COTL1: variants seen among roughly 807,000 people sequenced by gnomAD.
COTL1 encodes the protein coactosin-like protein.
Under a neutral mutation model 16.5 loss-of-function variants are expected in COTL1, and 15 were observed. The ratio of observed to expected loss-of-function variants is 0.91; its 90% CI spans 0.61 to 1.40. The LOEUF (loss-of-function observed/expected upper bound fraction) is 1.40. Among genes scored for constraint, COTL1 ranks in the 40% most tolerant of loss-of-function variants. The pLI is 0.00. For synonymous variants in COTL1, 112 were observed against 85.3 expected, an observed-to-expected ratio of 1.31 and a Z score of -1.73; for missense variants, 220 against 201.5, an observed-to-expected ratio of 1.09 and a Z score of -0.56.
chr16:84,607,466 A>G (rs909813980), intron 2 of COTL1, among the ~76,000 whole-genome samples: 1 of 152,192 alleles, frequency 6.6e-6, no homozygotes, highest in East Asian at 1.9e-4. Flanking sequence ...GTTCCTCCTC[A>G]GTGAAGTGGG....
chr16:84,600,911 T>C (rs750355843), intron 2 of COTL1, among the ~76,000 whole-genome samples: 1 of 152,174 alleles, frequency 6.6e-6, no homozygotes. Context: ...GCTAAAGGTT[T>C]TCCCCCTATG....
intron 2 of COTL1, among the ~76,000 whole-genome samples, chr16:84,605,094 G>A (rs539151476): frequency 1.8e-4 from 27 of 152,302 alleles, no homozygotes; most frequent in African/African-American, 5.1e-4. Flanking sequence ...GGCAGAAATG[G>A]CCTCTAAACA....
chr16:84,578,784 C>T (rs1374581164), intron 3 of COTL1, among the ~76,000 whole-genome samples: 1 of 150,762 alleles, frequency 6.6e-6, no homozygotes, highest in Non-Finnish European at 1.5e-5. Flanking sequence ...CAGACATACA[C>T]ACACAGACAC....
intron 3 of COTL1, among the ~76,000 whole-genome samples, chr16:84,589,055 T>G (rs1849569412): frequency 6.6e-6 from 1 of 151,920 alleles, no homozygotes; most frequent in South Asian, 2.1e-4. Flanking sequence ...ACTGCACCCT[T>G]GACCTCCTGG....
chr16:84,613,156 T>C (rs915357083), intron 2 of COTL1, among the ~76,000 whole-genome samples: 1 of 152,040 alleles, frequency 6.6e-6, no homozygotes, highest in Non-Finnish European at 1.5e-5. Context: ...CCGGCCACCA[T>C]GCCTGGCTAA....
intron 3 of COTL1, among the ~76,000 whole-genome samples, chr16:84,585,033 A>C (rs922083219): frequency 6.6e-6 from 1 of 152,232 alleles, no homozygotes. Flanking sequence ...AAATTACTCC[A>C]TTAAAACAAA....
At chr16:84,608,885 A>G (rs929481526) in intron 2 of COTL1, among the ~76,000 whole-genome samples, 5 of 152,194 alleles carry the variant, frequency 3.3e-5, no homozygotes, top group African/African-American at 1.2e-4. Context: ...AGACTGGGTG[A>G]CAGGGCACGA....
intron 2 of COTL1, among the ~76,000 whole-genome samples, chr16:84,613,203 T>A (rs1451580110): frequency 6.6e-6 from 1 of 152,086 alleles, no homozygotes; most frequent in Non-Finnish European, 1.5e-5. Flanking sequence ...TTTCACTGTG[T>A]TGGCCAGGCT....
chr16:84,590,795 T>A lies in COTL1; in HGVS notation c.161-533A>T, dbSNP rs933858622. Among the ~76,000 whole-genome samples the A allele has an allele frequency of 1.3e-5, 2 of 152,050 alleles. No homozygotes were observed. The highest frequency in any genetic ancestry group is 4.8e-5 in the African/African-American group (2 of 41,388). On this transcript the variant is annotated intron_variant, in intron 2 of 3. Coordinates refer to ENST00000262428, the MANE Select transcript of COTL1 (RefSeq NM_021149.5). The surrounding 1 kb of genome is among the most constrained non-coding windows in gnomAD (Gnocchi z 5.5). ...AATTCATCAACTCTTTTTGCCTCAATCTTTGCAGTTTGGAATGAGACTCTA... is the reference window on the plus strand; with the variant it reads ...AATTCATCAACTCTTTTTGCCTCAAACTTTGCAGTTTGGAATGAGACTCTA...
intron 2 of COTL1, among the ~76,000 whole-genome samples, chr16:84,592,648 G>A (rs8046153): frequency 0.2 from 30,801 of 150,860 alleles, 3,488 homozygotes; most frequent in African/African-American, 0.31. Flanking sequence ...ATCTAAGTAC[G>A]TCCCTGCAGA....
At chr16:84,578,987 G>A (rs6564062) in intron 3 of COTL1, among the ~76,000 whole-genome samples, 4 of 150,950 alleles carry the variant, frequency 2.6e-5, no homozygotes, top group South Asian at 2.1e-4. Flanking sequence ...CCAAGCATGC[G>A]TACACACATA....
At chr16:84,614,262 GGCA>G (rs1215476585) in intron 2 of COTL1, among the ~76,000 whole-genome samples, 1 of 152,260 alleles carries the variant, frequency 6.6e-6, no homozygotes, top group African/African-American at 2.4e-5. Flanking sequence ...CGGAGGGGCA[GGCA>G]GCGAGGAAGG....
intron 2 of COTL1, among the ~76,000 whole-genome samples, chr16:84,603,585 G>A (rs936785311): frequency 3.2e-5 from 4 of 125,022 alleles, no homozygotes; most frequent in African/African-American, 1.3e-4. Flanking sequence ...GTGTTGGGAA[G>A]CGCTAGGTGA....
At chr16:84,591,487 T>TA (rs145318740) in intron 2 of COTL1, among the ~76,000 whole-genome samples, 30,466 of 150,602 alleles carry the variant, frequency 0.2, 3,437 homozygotes, top group African/African-American at 0.31. Flanking sequence ...CCCAGCCTGA[T>TA]TTTTTGAATT....
At chr16:84,568,840 G>A (rs1192304234) in intron 3 of COTL1, 1 of 152,186 alleles carries the variant, frequency 6.6e-6, no homozygotes, top group Non-Finnish European at 1.5e-5. Flanking sequence ...TTAAAGGTGA[G>A]GAAACAAAGG....
chr16:84,597,248 C>G (rs28682470), intron 2 of COTL1, among the ~76,000 whole-genome samples: 94 of 152,304 alleles, frequency 6.2e-4, no homozygotes, highest in African/African-American at 2.2e-3. Flanking sequence ...AGCCCCAAGT[C>G]TACTAAGCAC....
Position 84,604,545 on chromosome 16 carries a change from C to T in COTL1, c.160+12956G>A, listed in dbSNP as rs534533008. ...CTCCCAGCACGAGTGCCCAGCAGAC[C>T]GTGAGTGCTCAGTTTATATGTGTTG... On this transcript the variant is annotated intron_variant, in intron 2 of 3. Coordinates refer to ENST00000262428, the MANE Select transcript of COTL1 (RefSeq NM_021149.5). Among the ~76,000 whole-genome samples the T allele has an allele frequency of 5.0e-4, 76 of 152,084 alleles. No individual in the cohort carries two copies. The East Asian group carries it at 0.013, about 25-fold the overall frequency.
chr16:84,600,451 T>G (rs369977968), intron 2 of COTL1, among the ~76,000 whole-genome samples: 1 of 152,070 alleles, frequency 6.6e-6, no homozygotes, highest in East Asian at 1.9e-4. Flanking sequence ...TAGCAGGGAT[T>G]ACAGGCACCT....
At chr16:84,585,556 C>T (rs1163996982) in intron 3 of COTL1, among the ~76,000 whole-genome samples, 1 of 152,056 alleles carries the variant, frequency 6.6e-6, no homozygotes, top group East Asian at 1.9e-4. Flanking sequence ...GAAATGATGG[C>T]AAAAAGTGCA....
Sources: gnomAD v4.1 joint callset for allele counts (sites outside exome capture counted in the v4.1 genomes callset) on GRCh38, gnomAD v4.1.1 for gene constraint, Gnocchi (gnomAD v3.1) non-coding constraint, MANE v1.5 for transcripts, NCBI Gene and HGNC (gene_info 2026-07-23, HGNC 2026-07-21) for gene names.